RBFOX1: variants seen among roughly 807,000 people sequenced by gnomAD.
RBFOX1 encodes RNA binding fox-1 homolog 1, also known as RNA binding protein fox-1 homolog 1.
A neutral mutation model predicts 57.7 loss-of-function variants in RBFOX1; 8 were observed. That is an observed-to-expected ratio of 0.14 (90% CI 0.08 to 0.25). The LOEUF (loss-of-function observed/expected upper bound fraction) is 0.25, where lower values mean the gene tolerates loss of function less well. Among genes scored for constraint, RBFOX1 ranks in the 10% least tolerant of loss-of-function variants. RBFOX1 has a pLI of 1.00. For synonymous variants in RBFOX1, 326 were observed against 222.4 expected (o/e 1.47, Z -4.15); for missense variants, 611 against 548.5 (o/e 1.11, Z -1.14).
At chr16:5,317,278 T>C (rs2064268356) in intron 1 of RBFOX1, among the ~76,000 whole-genome samples, 1 of 152,118 alleles carries the variant, frequency 6.6e-6, no homozygotes, top group Admixed American at 6.6e-5. Context: ...CCTGACAAAA[T>C]CACCTAGTCT....
chr16:5,564,752 C>T (rs1384522544), intron 2 of RBFOX1, among the ~76,000 whole-genome samples: 1 of 152,122 alleles, frequency 6.6e-6, no homozygotes, highest in Non-Finnish European at 1.5e-5. Flanking sequence ...GAGTGCATAT[C>T]AAGTTCATCA....
At chr16:5,377,144 T>A (rs1226131764) in intron 1 of RBFOX1, among the ~76,000 whole-genome samples, 1 of 151,634 alleles carries the variant, frequency 6.6e-6, no homozygotes, top group African/African-American at 2.4e-5. Context: ...GTTGAGCACC[T>A]GCTGTATATC....
intron 2 of RBFOX1, among the ~76,000 whole-genome samples, chr16:6,621,804 A>C (rs1436345365): frequency 6.6e-6 from 1 of 152,198 alleles, no homozygotes; most frequent in Non-Finnish European, 1.5e-5. Flanking sequence ...CAGATAAAGA[A>C]CATACCATTT....
rs193001685 is a variant in RBFOX1, at chr16:5,748,440, C to T, written c.319-118863C>T. Among the ~76,000 whole-genome samples the T allele has an allele frequency of 4.1e-3, 617 of 152,180 alleles. 2 individuals carry two copies. The highest frequency in any genetic ancestry group is 0.02 in the Middle Eastern group (6 of 294). The stretch of plus-strand genomic sequence containing the variant: ...ATTCCTGGATATCCTTGTTAACTTT[C>T]GTCTCGTGGATCTGTCTAATGTTGA... On this transcript the variant is annotated intron_variant, in intron 3 of 19. Coordinates refer to the RBFOX1 transcript ENST00000641259.
At chr16:5,588,153 C>G (rs2046893611) in intron 2 of RBFOX1, among the ~76,000 whole-genome samples, 1 of 152,010 alleles carries the variant, frequency 6.6e-6, no homozygotes, top group Middle Eastern at 3.4e-3. Flanking sequence ...AAGTCCCACA[C>G]AAATAAATCC....
intron 2 of RBFOX1, among the ~76,000 whole-genome samples, chr16:5,553,970 C>CTTTT (rs36068724): frequency 7.5e-6 from 1 of 133,526 alleles, no homozygotes; most frequent in African/African-American, 2.7e-5. Flanking sequence ...AACACGTATT[C>CTTTT]TTTTTTTTTT....
Position 7,187,688 on chromosome 16 carries a change from CACAAAAAAAAAAAAAA to C in RBFOX1, c.27+135592_27+135607del, listed in dbSNP as rs1170750132. ...TGGGCAACAGAATGAGACTCTGTCT[CACAAAAAAAAAAAAAA>C]AAAAAAAAAAAAAAAAAAAAAGGAA... On this transcript the variant is annotated intron_variant, in intron 4 of 15. Transcript: ENST00000550418. Among the ~76,000 whole-genome samples the C allele has an allele frequency of 3.2e-3, 137 of 43,238 alleles. 2 individuals carry two copies. Among genetic ancestry groups the C allele is most frequent in the African/African-American group, 9.7e-3 (131 of 13,454 alleles). The allele number at this position is 43,238 out of a possible 152,430, so 28.4% of individuals were successfully genotyped here. A position where few individuals can be genotyped will look rare whatever the true frequency, so the allele number is the denominator to read the frequency against.
At chr16:7,466,912 A>AT (rs1318483548) in intron 4 of RBFOX1, among the ~76,000 whole-genome samples, 2 of 152,158 alleles carry the variant, frequency 1.3e-5, no homozygotes, top group Non-Finnish European at 2.9e-5. Flanking sequence ...GAATTTGAGG[A>AT]TTTTCAGCCA....
chr16:7,019,979 C>CT (rs60617980), intron 3 of RBFOX1, among the ~76,000 whole-genome samples: 10,253 of 143,594 alleles, frequency 0.071, 982 homozygotes, highest in African/African-American at 0.21. Context: ...CTGGCTCTCT[C>CT]TTTTTTTTTT....
intron 4 of RBFOX1, among the ~76,000 whole-genome samples, chr16:5,929,305 C>T (rs1304104131): frequency 6.6e-6 from 1 of 152,038 alleles, no homozygotes; most frequent in Non-Finnish European, 1.5e-5. Flanking sequence ...CCTTCAAGTT[C>T]AGTCTTAAGC....
chr16:7,637,792 G>A (rs1354851369), intron 11 of RBFOX1, among the ~76,000 whole-genome samples: 2 of 152,044 alleles, frequency 1.3e-5, no homozygotes, highest in African/African-American at 4.8e-5. Context: ...ACTAGCTCCG[G>A]GACTAGGGTA....
intron 1 of RBFOX1, among the ~76,000 whole-genome samples, chr16:6,291,295 C>G (rs1248941990): frequency 6.6e-6 from 1 of 152,166 alleles, no homozygotes; most frequent in East Asian, 1.9e-4. Context: ...TACTCCGCTG[C>G]TATTCAAGAT....
At chr16:6,992,921 A>C (rs1596345399) in intron 3 of RBFOX1, among the ~76,000 whole-genome samples, 1 of 151,920 alleles carries the variant, frequency 6.6e-6, no homozygotes, top group Admixed American at 6.6e-5. Context: ...AAGGAATTAT[A>C]ATGGATTTCA....
intron 4 of RBFOX1, among the ~76,000 whole-genome samples, chr16:7,263,600 A>G (rs1416552198): frequency 2.6e-5 from 4 of 152,070 alleles, no homozygotes; most frequent in South Asian, 4.2e-4. Context: ...AAAAGGGGTG[A>G]TAAGAGGTAG....
At chr16:7,455,679 C>T (rs2058354641) in intron 4 of RBFOX1, among the ~76,000 whole-genome samples, 1 of 147,948 alleles carries the variant, frequency 6.8e-6, no homozygotes, top group Non-Finnish European at 1.5e-5. Flanking sequence ...CCCAGCTACT[C>T]AGGAGGCTGA....
chr16:6,874,966 C>T (rs542540088), intron 3 of RBFOX1, among the ~76,000 whole-genome samples: 3 of 152,266 alleles, frequency 2.0e-5, no homozygotes, highest in South Asian at 2.1e-4. Context: ...AGAAGCTTGG[C>T]TTCATAACCC....
chr16:5,450,662 A>T (rs1470723748), intron 1 of RBFOX1, among the ~76,000 whole-genome samples: 1 of 152,146 alleles, frequency 6.6e-6, no homozygotes, highest in Non-Finnish European at 1.5e-5. Flanking sequence ...TTGTTCTCTG[A>T]GGTCAGAGTC....
chr16:7,237,244 T>C (rs2093814279), intron 4 of RBFOX1, among the ~76,000 whole-genome samples: 1 of 152,210 alleles, frequency 6.6e-6, no homozygotes, highest in South Asian at 2.1e-4. Flanking sequence ...GACCACATGC[T>C]GGATCAGCTG....
chr16:7,267,293 C>T (rs527844044), intron 4 of RBFOX1, among the ~76,000 whole-genome samples: 4 of 151,548 alleles, frequency 2.6e-5, no homozygotes, highest in East Asian at 2.0e-4. Context: ...CGAGCACTTT[C>T]GGAGGCCAAA....
Sources: gnomAD v4.1 joint callset for allele counts (sites outside exome capture counted in the v4.1 genomes callset) on GRCh38, gnomAD v4.1.1 for gene constraint, MANE v1.5 for transcripts, NCBI Gene and HGNC (gene_info 2026-07-23, HGNC 2026-07-21) for gene names.